ST6GALNAC5: variants seen among roughly 807,000 people sequenced by gnomAD.
ST6GALNAC5 encodes ST6 N-acetylgalactosaminide alpha-2,6-sialyltransferase 5, also known as alpha-N-acetylgalactosaminide alpha-2,6-sialyltransferase 5.
In ST6GALNAC5, 27 loss-of-function variants were observed where a neutral mutation model predicts 33.6. The ratio of observed to expected loss-of-function variants is 0.80; its 90% CI spans 0.59 to 1.11. The LOEUF (loss-of-function observed/expected upper bound fraction) is 1.11, where lower values mean the gene tolerates loss of function less well. ST6GALNAC5 is among the 50% of genes least tolerant of loss of function. ST6GALNAC5 has a pLI of 0.00. For missense variants in ST6GALNAC5, 428 were observed against 454.0 expected, an observed-to-expected ratio of 0.94 and a Z score of 0.52; for synonymous variants, 194 against 171.2, an observed-to-expected ratio of 1.13 and a Z score of -1.04.
chr1:77,063,358 G>T lies in ST6GALNAC5; in HGVS notation c.*152G>T. 1.5e-6 allele frequency: 1 copy of T among 663,824 alleles called. No homozygotes were observed. The highest frequency in any genetic ancestry group is 2.6e-6 in the Non-Finnish European group (1 of 390,358). 41.1% of individuals were successfully genotyped at this position (663,824 alleles called of 1,614,324 possible). On this transcript the variant is annotated 3_prime_UTR_variant, in exon 5 of 5. Coordinates refer to ENST00000477717, the MANE Select transcript of ST6GALNAC5 (RefSeq NM_030965.3). ...ACAGACGCCTACCAGGGGTGACAAA[G>T]CAGTGCAGTTGGATTGTAAGGAAAA...
rs925314756 is a variant in ST6GALNAC5, at chr1:77,067,168, G to A, written c.*3962G>A. 1.3e-5 allele frequency among the ~76,000 whole-genome samples: 2 copies of A among 152,290 alleles called. No individual in the cohort carries two copies. Among genetic ancestry groups the A allele is most frequent in the South Asian group, 4.1e-4 (2 of 4,826 alleles). On this transcript the variant is annotated 3_prime_UTR_variant, in exon 5 of 5. Coordinates refer to ENST00000477717, the MANE Select transcript of ST6GALNAC5 (RefSeq NM_030965.3). ...TATAATAATAAGCCCTGGGGGGCAGGATGTGTGAACCAATTGCCTAGGTGT... is the reference window on the plus strand; with the variant it reads ...TATAATAATAAGCCCTGGGGGGCAGAATGTGTGAACCAATTGCCTAGGTGT...
At chr1:77,045,682 G>A (rs1651984229) in intron 3 of ST6GALNAC5, among the ~76,000 whole-genome samples, 2 of 152,202 alleles carry the variant, frequency 1.3e-5, no homozygotes, top group Non-Finnish European at 2.9e-5. Flanking sequence ...GTGGGAGGGA[G>A]AAACCTCCCT....
intron 2 of ST6GALNAC5, among the ~76,000 whole-genome samples, chr1:76,924,867 G>A (rs1465221401): frequency 6.6e-6 from 1 of 152,146 alleles, no homozygotes; most frequent in African/African-American, 2.4e-5. Context: ...ACTAAGGAGA[G>A]TAAGTAATTC....
At chr1:76,990,139 G>A (rs1281207709) in intron 2 of ST6GALNAC5, among the ~76,000 whole-genome samples, 2 of 152,148 alleles carry the variant, frequency 1.3e-5, no homozygotes, top group Non-Finnish European at 2.9e-5. Flanking sequence ...GTTCCAGGGA[G>A]AGAAGTTTGG....
At chr1:76,888,647 A>AT (rs1445401650) in intron 2 of ST6GALNAC5, among the ~76,000 whole-genome samples, 2 of 150,864 alleles carry the variant, frequency 1.3e-5, no homozygotes, top group African/African-American at 4.9e-5. Flanking sequence ...CCCCTGGACC[A>AT]TTTTTTCCCC....
intron 2 of ST6GALNAC5, among the ~76,000 whole-genome samples, chr1:76,897,044 G>A (rs1056842431): frequency 1.3e-5 from 2 of 151,980 alleles, no homozygotes. Flanking sequence ...AGTAGGGAGA[G>A]CACATGTGTT....
In ST6GALNAC5 at chr1:77,032,454, G is replaced by A. The variant is rs114458105; in HGVS notation, c.262-11750G>A. On this transcript the variant is annotated intron_variant, in intron 2 of 4. Transcript: ENST00000477717. ...CTGCAGGAAGATAGAAATGATTAAC[G>A]TCAACAGACATACAGGAGGTTGGGT... Among the ~76,000 whole-genome samples, 688 of 152,214 alleles carry A rather than the reference G, an allele frequency of 4.5e-3. 5 individuals are homozygous for A. The highest frequency in any genetic ancestry group is 0.011 in the South Asian group (52 of 4,822).
At chr1:76,934,513 C>T (rs961993689) in intron 2 of ST6GALNAC5, among the ~76,000 whole-genome samples, 1 of 152,012 alleles carries the variant, frequency 6.6e-6, no homozygotes, top group Admixed American at 6.6e-5. Flanking sequence ...TCTGCAGTGG[C>T]TTTGTCAGTG....
chr1:76,996,738 C>T (rs569659136), intron 2 of ST6GALNAC5, among the ~76,000 whole-genome samples: 2 of 152,144 alleles, frequency 1.3e-5, no homozygotes, highest in African/African-American at 4.8e-5. Flanking sequence ...GTCAGGGAGT[C>T]GCTCTGGAAA....
intron 2 of ST6GALNAC5, among the ~76,000 whole-genome samples, chr1:76,941,790 A>G (rs1647344031): frequency 6.6e-6 from 1 of 152,048 alleles, no homozygotes; most frequent in African/African-American, 2.4e-5. Flanking sequence ...CAACAACTTG[A>G]TTTCTGATTT....
intron 2 of ST6GALNAC5, among the ~76,000 whole-genome samples, chr1:76,952,918 C>T (rs1264763183): frequency 6.6e-6 from 1 of 152,004 alleles, no homozygotes; most frequent in East Asian, 1.9e-4. Context: ...GTTTTATTTC[C>T]AGAATGTTAT....
rs116440282 is a variant in ST6GALNAC5 at position 76,906,661 on chromosome 1, C to G, written c.261+37919C>G. Among the ~76,000 whole-genome samples, 3 of 152,040 alleles carry G rather than the reference C, an allele frequency of 2.0e-5. No homozygotes were observed. In the South Asian group the frequency reaches 6.2e-4, roughly 32 times the overall value. On this transcript the variant is annotated intron_variant, in intron 2 of 4. Coordinates refer to ENST00000477717, the MANE Select transcript of ST6GALNAC5 (RefSeq NM_030965.3). The stretch of plus-strand genomic sequence containing the variant: ...TAACATAGGGTATAAACAGAAAGTT[C>G]TCTTAAATAGGAAGGTGTATATGTT...
chr1:76,895,323 G>A (rs1191053654), intron 2 of ST6GALNAC5, among the ~76,000 whole-genome samples: 8 of 152,224 alleles, frequency 5.3e-5, no homozygotes, highest in South Asian at 4.2e-4. Context: ...AATGGGCGAT[G>A]TTTCTCAGGG....
chr1:76,876,994 A>G (rs1326914400), intron 2 of ST6GALNAC5, among the ~76,000 whole-genome samples: 1 of 152,180 alleles, frequency 6.6e-6, no homozygotes, highest in African/African-American at 2.4e-5. Flanking sequence ...AAGCCCGATC[A>G]CGTATACACC....
chr1:77,017,269 A>ATTCC, intron 2 of ST6GALNAC5, among the ~76,000 whole-genome samples: 1 of 152,250 alleles, frequency 6.6e-6, no homozygotes, highest in South Asian at 2.1e-4. Flanking sequence ...TCAGCATCGG[A>ATTCC]ATGTCAATGA....
chr1:76,891,939 T>A (rs1381406096), intron 2 of ST6GALNAC5, among the ~76,000 whole-genome samples: 3 of 152,182 alleles, frequency 2.0e-5, no homozygotes, highest in Admixed American at 2.0e-4. Flanking sequence ...ATACCAGGCA[T>A]CATATGTACT....
intron 2 of ST6GALNAC5, among the ~76,000 whole-genome samples, chr1:76,948,558 G>GGAGA (rs1391748146): frequency 7.2e-6 from 1 of 139,808 alleles, no homozygotes; most frequent in Admixed American, 7.2e-5. Context: ...CTTCAAGTGG[G>GGAGA]GAGAGAGAGA....
At chr1:76,928,184 T>G (rs1647103610) in intron 2 of ST6GALNAC5, among the ~76,000 whole-genome samples, 1 of 152,156 alleles carries the variant, frequency 6.6e-6, no homozygotes, top group Non-Finnish European at 1.5e-5. Flanking sequence ...ACCACCTCTA[T>G]TGTTTCTCTC....
chr1:76,984,341 C>A (rs1224741385), intron 2 of ST6GALNAC5, among the ~76,000 whole-genome samples: 1 of 152,068 alleles, frequency 6.6e-6, no homozygotes, highest in Non-Finnish European at 1.5e-5. Flanking sequence ...ATATCACCAT[C>A]GATCCCACAG....
Sources: allele counts gnomAD v4.1 joint callset (sites outside exome capture counted in the v4.1 genomes callset), GRCh38; gene constraint gnomAD v4.1.1; transcripts MANE v1.5; gene names NCBI Gene and HGNC (gene_info 2026-07-23, HGNC 2026-07-21).